The following TMEM222 variants were observed in gnomAD, a reference collection of about 807,000 sequenced individuals.
TMEM222 encodes transmembrane protein 222.
TMEM222 carries 18 observed loss-of-function variants against 25.1 expected under a neutral mutation model. The ratio of observed to expected loss-of-function variants is 0.72; its 90% CI spans 0.50 to 1.06. The LOEUF (loss-of-function observed/expected upper bound fraction) is 1.06. Among genes scored for constraint, TMEM222 ranks in the 50% least tolerant of loss-of-function variants. The pLI, the probability that TMEM222 is intolerant of heterozygous loss-of-function variation, is 0.00. For missense variants in TMEM222, 296 were observed against 293.7 expected, an observed-to-expected ratio of 1.01 and a Z score of -0.06; for synonymous variants, 131 against 117.9, an observed-to-expected ratio of 1.11 and a Z score of -0.72.
chr1:27,331,863 C>G (rs1273624516), intron 2 of TMEM222, among the ~76,000 whole-genome samples: 2 of 152,226 alleles, frequency 1.3e-5, no homozygotes, highest in Non-Finnish European at 2.9e-5. Flanking sequence ...GCTCTGTGCA[C>G]TTGTGCCACA....
At chr1:27,325,035 A>C (rs1461358336) in intron 1 of TMEM222, among the ~76,000 whole-genome samples, 1 of 152,152 alleles carries the variant, frequency 6.6e-6, no homozygotes, top group Non-Finnish European at 1.5e-5. Context: ...CTCCAGCAGG[A>C]GGGAGAGAAA....
At chr1:27,334,514 GT>G in intron 5 of TMEM222, 3 of 1,373,412 alleles carry the variant, frequency 2.2e-6, no homozygotes, top group Non-Finnish European at 2.9e-6. Flanking sequence ...CTTGCCTGCT[GT>G]GAGACCATGG....
chr1:27,332,054 T>C lies in TMEM222; in HGVS notation c.280-16T>C, dbSNP rs1331318019. The C allele has an allele frequency of 2.5e-6, 4 of 1,614,076 alleles. No individual in the cohort carries two copies. Among genetic ancestry groups the C allele is most frequent in the East Asian group, 4.5e-5 (2 of 44,894 alleles). ...ATGTAAGTTCCTCACTGACCTCTGC[T>C]TTTGTCCCTCAACAGGAGGACAACA... is the stretch of plus-strand genomic sequence containing the variant. On this transcript the variant is annotated splice_polypyrimidine_tract_variant and intron_variant, in intron 2 of 5. Coordinates refer to ENST00000374076, the MANE Select transcript of TMEM222 (RefSeq NM_032125.3).
rs1049865900 is a variant in TMEM222 at position 27,334,337 on chromosome 1, G to A, written c.539+56G>A. ...CACTGCCCAGAGGCTGCTCTCCCAAGGATCCTAGAAAGACCATTCCTAGCG... is the reference window on the plus strand; with the variant it reads ...CACTGCCCAGAGGCTGCTCTCCCAAAGATCCTAGAAAGACCATTCCTAGCG... On this transcript the variant is annotated intron_variant, in intron 5 of 5. Coordinates refer to ENST00000374076, the MANE Select transcript of TMEM222 (RefSeq NM_032125.3). 4.7e-5 allele frequency: 75 copies of A among 1,609,914 alleles called. No individual in the cohort carries two copies. In the African/African-American group the frequency reaches 9.3e-4, roughly 20 times the overall value.
intron 3 of TMEM222, 61 bp downstream of exon 3, chr1:27,332,162 C>A: frequency 6.2e-7 from 1 of 1,604,692 alleles, no homozygotes; most frequent in Non-Finnish European, 8.5e-7. Context: ...CGGGGCGGGC[C>A]AGGCCTTCTG....
rs372428610 is a variant in TMEM222 at position 27,332,117 on chromosome 1, C to G, written c.311+16C>G. ...AGCCTGCCAAGTAAGTGATGAACACCCATGTGACTGGCTCTAGAGGCAGGT... is the reference window on the plus strand; with the variant it reads ...AGCCTGCCAAGTAAGTGATGAACACGCATGTGACTGGCTCTAGAGGCAGGT... On this transcript the variant is annotated intron_variant, in intron 3 of 5. Transcript: ENST00000374076. 1.2e-6 allele frequency: 2 copies of G among 1,614,142 alleles called. No homozygotes were observed. The highest frequency in any genetic ancestry group is 2.7e-5 in the African/African-American group (2 of 74,954).
At position 27,329,932 on chromosome 1, in the gene TMEM222, T is replaced by A. The variant is rs144209968; in HGVS notation, c.195-788T>A. Among the ~76,000 whole-genome samples, 618 of 151,992 alleles carry A rather than the reference T, an allele frequency of 4.1e-3. 5 individuals are homozygous for A. Among genetic ancestry groups the A allele is most frequent in the African/African-American group, 0.014 (579 of 41,424 alleles). On this transcript the variant is annotated intron_variant, in intron 1 of 5. Transcript: ENST00000374076. The stretch of plus-strand genomic sequence containing the variant: ...GCCTGGCCAACGTGATGAAACCTCA[T>A]GTCTACTAAAAATACAAAAATTAGC...
chr1:27,332,246 A>C, intron 3 of TMEM222, 145 bp downstream of exon 3: 1 of 919,994 alleles, frequency 1.1e-6, no homozygotes, highest in Non-Finnish European at 1.8e-6. Context: ...GGTCCACCAG[A>C]GCATGGCAAC....
intron 1 of TMEM222, chr1:27,325,896 A>G (rs1259145710): frequency 2.7e-6 from 2 of 731,100 alleles, no homozygotes; most frequent in African/African-American, 3.4e-5. Flanking sequence ...CCTCACGAAA[A>G]TGGAATAAGC....
Position 27,325,484 on chromosome 1 carries a change from C to T in TMEM222, c.194+3093C>T, listed in dbSNP as rs145857191. The T allele has an allele frequency of 3.4e-3, 4,852 of 1,446,908 alleles. 104 individuals carry two copies. The East Asian group carries it at 0.038, about 11-fold the overall frequency. The allele number at this position is 1,446,908 out of a possible 1,614,324, so 89.6% of individuals were successfully genotyped here. On this transcript the variant is annotated intron_variant, in intron 1 of 5. Coordinates refer to ENST00000374076, the MANE Select transcript of TMEM222 (RefSeq NM_032125.3). ...CTTCCTTCCTGGGTATGGAATCTTG[C>T]GGCATCCACGAGACCACGTTCAACT... is the stretch of plus-strand genomic sequence containing the variant.
intron 3 of TMEM222, chr1:27,332,646 G>C: frequency 1.5e-6 from 1 of 650,716 alleles, no homozygotes; most frequent in Non-Finnish European, 2.8e-6. Context: ...CCTGGTGAGA[G>C]TGCCTCAGTC....
Position 27,329,806 on chromosome 1 carries a change from GA to G in TMEM222, c.195-912del, listed in dbSNP as rs1426779346. The stretch of plus-strand genomic sequence containing the variant: ...TAGTATAGTGCCAAACTGTTTTCCA[GA>G]ATGGTAGAAACAGGCCGGGTACGGT... On this transcript the variant is annotated intron_variant, in intron 1 of 5. Transcript: ENST00000374076. 3.3e-5 allele frequency among the ~76,000 whole-genome samples: 5 copies of G among 152,330 alleles called. No individual in the cohort carries two copies. In the South Asian group the frequency reaches 8.3e-4, roughly 25 times the overall value.
Position 27,334,251 on chromosome 1 carries a change from T to A in TMEM222, c.509T>A (p.Phe170Tyr). ...STNWNMVTLC[F>Y]FCLLYGKYVS... ...AACTGGAATATGGTGACGCTCTGCT[T>A]CTTCTGCCTGCTCTACGGGAAGTAC... Residue 170 changes from phenylalanine (F) to tyrosine (Y), a missense_variant, in exon 5 of 6, where the codon TTC becomes TAC. Physicochemically the swap from Phe to Tyr is conservative, Grantham distance 22. Transcript: ENST00000374076. 6.2e-7 allele frequency: 1 copy of A among 1,614,228 alleles called. No homozygotes were observed. Among genetic ancestry groups the A allele is most frequent in the Non-Finnish European group, 8.5e-7 (1 of 1,180,036 alleles).
Position 27,322,257 on chromosome 1 carries a change from G to A in TMEM222, c.60G>A (p.Arg20=). The A allele has an allele frequency of 6.5e-7, 1 of 1,537,992 alleles. No individual in the cohort carries two copies. Among genetic ancestry groups the A allele is most frequent in the Non-Finnish European group, 8.8e-7 (1 of 1,139,154 alleles). ...LLLPPPPPPP[R]MAEVEAPTAA... ...TGCCGCCGCCGCCACCCCCGCCCAG[G>A]ATGGCGGAAGTGGAGGCGCCGACGG... The change falls in exon 1 of 6, where the codon AGG becomes AGA. Residue 20 remains arginine (R), a synonymous_variant. Transcript: ENST00000374076.
At chr1:27,333,689 T>C in intron 3 of TMEM222, 1 of 503,802 alleles carries the variant, frequency 2.0e-6, no homozygotes, top group Non-Finnish European at 3.6e-6. Context: ...CCTTGAGGGT[T>C]AAGATTTCAA....
rs562593079 is a variant in TMEM222, at chr1:27,332,962, G to A, written c.311+861G>A. The A allele has an allele frequency of 6.3e-5, 18 of 284,674 alleles. No individual in the cohort carries two copies. In the East Asian group the frequency reaches 1.5e-3, roughly 24 times the overall value. The allele number at this position is 284,674 out of a possible 1,614,324, so 17.6% of individuals were successfully genotyped here. On this transcript the variant is annotated intron_variant, in intron 3 of 5. Transcript: ENST00000374076. ...AGCCATTCCCCTACACAACAGCCAG[G>A]GGGCGCCCTGACCTCCCAGCTCTCC...
rs2014587160 is a variant in TMEM222 at position 27,335,615 on chromosome 1, G to A, written c.*149G>A. 1.3e-5 allele frequency: 9 copies of A among 716,558 alleles called. No individual in the cohort carries two copies. The South Asian group carries it at 1.5e-4, about 12-fold the overall frequency. 44.4% of individuals were successfully genotyped at this position (716,558 alleles called of 1,614,324 possible). A position where few individuals can be genotyped will look rare whatever the true frequency, so the allele number is the denominator to read the frequency against. On this transcript the variant is annotated 3_prime_UTR_variant, in exon 6 of 6. Transcript: ENST00000374076. ...TCGGGGCTGGCAGGATGGAAGGACT[G>A]AGGACCAGCATGAAGTGGGGGTTTG...
intron 1 of TMEM222, among the ~76,000 whole-genome samples, chr1:27,329,042 G>T (rs1425319925): frequency 6.6e-6 from 1 of 152,092 alleles, no homozygotes; most frequent in Non-Finnish European, 1.5e-5. Flanking sequence ...GAGATTTATT[G>T]TTGTTTTTTA....
At chr1:27,330,601 AC>A in intron 1 of TMEM222, 118 bp from the exon 2 acceptor site, 1 of 857,072 alleles carries the variant, frequency 1.2e-6, no homozygotes, top group African/African-American at 1.7e-5. Context: ...CCTAATGGCC[AC>A]CTGTCAATGA....
Sources: gnomAD v4.1 joint callset for allele counts (sites outside exome capture counted in the v4.1 genomes callset) on GRCh38, gnomAD v4.1.1 for gene constraint, MANE v1.5 for transcripts, NCBI Gene and HGNC (gene_info 2026-07-23, HGNC 2026-07-21) for gene names.